Variants in FBXO16 observed in about 807,000 individuals in gnomAD.
The protein encoded by FBXO16 is F-box protein 16, also known as F-box only protein 16.
In FBXO16, 31 loss-of-function variants were observed where a neutral mutation model predicts 41.0. That is an observed-to-expected ratio of 0.76 (90% CI 0.57 to 1.02). The LOEUF (loss-of-function observed/expected upper bound fraction) is 1.02. FBXO16 is among the 50% of genes least tolerant of loss of function. The probability of loss-of-function intolerance (pLI) is 0.00; values close to 1 mark genes in which losing one functional copy is unlikely to be tolerated. For synonymous variants in FBXO16, 133 were observed against 117.8 expected, an observed-to-expected ratio of 1.13 and a Z score of -0.84; for missense variants, 361 against 346.2, an observed-to-expected ratio of 1.04 and a Z score of -0.34.
At position 28,461,936 on chromosome 8, in the gene FBXO16, A is replaced by T. The variant is rs1327623190; in HGVS notation, c.342+1676T>A. Among the ~76,000 whole-genome samples, 2 of 151,556 alleles carry T rather than the reference A, an allele frequency of 1.3e-5. 1 individual carries two copies. Among genetic ancestry groups the T allele is most frequent in the African/African-American group, 4.9e-5 (2 of 41,224 alleles). ...TTGCTCAATTATCCCTACACCATTT[A>T]TTGAATAATACTTTTTTTTTTGAGA... On this transcript the variant is annotated intron_variant, in intron 4 of 8. Coordinates refer to ENST00000380254, the MANE Select transcript of FBXO16 (RefSeq NM_172366.4).
chr8:28,463,945 C>T, intron 3 of FBXO16, 127 bp from the exon 4 acceptor site: 1 of 902,844 alleles, frequency 1.1e-6, no homozygotes, highest in Non-Finnish European at 1.6e-6. Flanking sequence ...TATTTATTTC[C>T]CTAATCAGCA....
chr8:28,486,639 C>T (rs946878327), intron 1 of FBXO16, among the ~76,000 whole-genome samples: 1 of 151,876 alleles, frequency 6.6e-6, no homozygotes, highest in Non-Finnish European at 1.5e-5. Flanking sequence ...TGGGCAACAT[C>T]GAGAGACCTT....
intron 3 of FBXO16, among the ~76,000 whole-genome samples, chr8:28,470,603 A>G (rs1483474381): frequency 6.6e-6 from 1 of 152,192 alleles, no homozygotes; most frequent in East Asian, 1.9e-4. Flanking sequence ...AGGGTATATT[A>G]TATATTATTA....
At chr8:28,438,197 T>C (rs1328591355) in intron 7 of FBXO16, among the ~76,000 whole-genome samples, 2 of 152,042 alleles carry the variant, frequency 1.3e-5, no homozygotes, top group African/African-American at 4.8e-5. Flanking sequence ...ACACCTGTAA[T>C]CCCAGCTACT....
intron 4 of FBXO16, among the ~76,000 whole-genome samples, chr8:28,463,402 A>C (rs1803175742): frequency 6.7e-6 from 1 of 148,742 alleles, no homozygotes; most frequent in Non-Finnish European, 1.5e-5. Flanking sequence ...GTTTGTATGT[A>C]TTTGTGTGTG....
rs145156562 is a variant in FBXO16 at position 28,437,286 on chromosome 8, G to A, written c.844-7883C>T. 3.0e-3 allele frequency among the ~76,000 whole-genome samples: 454 copies of A among 152,276 alleles called. 1 individual carries two copies. The highest frequency in any genetic ancestry group is 0.011 in the African/African-American group (442 of 41,562). On this transcript the variant is annotated intron_variant, in intron 7 of 8. Transcript: ENST00000380254. ...AGGTAGAATCATTTCCATTGGAAATGCCACAGTAATTTATTATGGATAGCC... is the reference window on the plus strand; with the variant it reads ...AGGTAGAATCATTTCCATTGGAAATACCACAGTAATTTATTATGGATAGCC...
At chr8:28,467,097 C>T (rs919493184) in intron 3 of FBXO16, among the ~76,000 whole-genome samples, 7 of 152,042 alleles carry the variant, frequency 4.6e-5, no homozygotes, top group Non-Finnish European at 1.0e-4. Context: ...CACATCTGGC[C>T]TGGAATTCAT....
intron 3 of FBXO16, among the ~76,000 whole-genome samples, chr8:28,472,229 C>T (rs1273727500): frequency 1.3e-5 from 2 of 152,072 alleles, no homozygotes; most frequent in Non-Finnish European, 2.9e-5. Flanking sequence ...GTAGCTGGGA[C>T]TATAGGAAAG....
intron 7 of FBXO16, among the ~76,000 whole-genome samples, chr8:28,435,116 C>A (rs1218879741): frequency 6.6e-6 from 1 of 152,048 alleles, no homozygotes; most frequent in African/African-American, 2.4e-5. Flanking sequence ...TGAGCTCTTG[C>A]CCAGCATCCG....
At chr8:28,431,649 GCTAA>G (rs1179433195) in intron 7 of FBXO16, among the ~76,000 whole-genome samples, 1 of 152,116 alleles carries the variant, frequency 6.6e-6, no homozygotes, top group East Asian at 1.9e-4. Context: ...ATCTTAGCGG[GCTAA>G]CTGAGGACTA....
rs1802573648 is a variant in FBXO16, at chr8:28,429,364, C to A, written c.869+14G>T. The stretch of plus-strand genomic sequence containing the variant: ...AGGCAAATGTCACAGGTTGATATCA[C>A]AACCGAAACTCACAGTGGGAAGGGA... On this transcript the variant is annotated intron_variant, in intron 8 of 8. Transcript: ENST00000380254. 6.2e-7 allele frequency: 1 copy of A among 1,613,772 alleles called. No individual in the cohort carries two copies. Among genetic ancestry groups the A allele is most frequent in the South Asian group, 1.1e-5 (1 of 91,080 alleles).
intron 1 of FBXO16, among the ~76,000 whole-genome samples, chr8:28,486,825 G>A (rs1403061758): frequency 6.6e-6 from 1 of 151,954 alleles, no homozygotes; most frequent in Non-Finnish European, 1.5e-5. Flanking sequence ...GGGCAACAGA[G>A]CAAGACCGTT....
chr8:28,465,401 T>A (rs760590076), intron 3 of FBXO16: 2 of 451,102 alleles, frequency 4.4e-6, no homozygotes, highest in South Asian at 3.1e-5. Context: ...GGCAGGAGAA[T>A]CTCTTGAGCC....
At chr8:28,435,416 T>C (rs1802673470) in intron 7 of FBXO16, among the ~76,000 whole-genome samples, 1 of 152,036 alleles carries the variant, frequency 6.6e-6, no homozygotes, top group Non-Finnish European at 1.5e-5. Context: ...TCAGGTGATC[T>C]GCCCACCTCG....
chr8:28,452,502 C>G, intron 5 of FBXO16, 26 bp from the exon 6 acceptor site: 1 of 1,607,974 alleles, frequency 6.2e-7, no homozygotes, highest in Non-Finnish European at 8.5e-7. Flanking sequence ...TAATTATGTT[C>G]TCAAAACACT....
chr8:28,439,584 C>A (rs1324023005), intron 7 of FBXO16, among the ~76,000 whole-genome samples: 1 of 151,662 alleles, frequency 6.6e-6, no homozygotes, highest in African/African-American at 2.4e-5. Context: ...CAAAAAATAC[C>A]CCCAAAAACC....
At chr8:28,481,066 C>T (rs568052012) in intron 2 of FBXO16, among the ~76,000 whole-genome samples, 6 of 152,092 alleles carry the variant, frequency 3.9e-5, no homozygotes, top group African/African-American at 1.2e-4. Context: ...GGCCCCGAGC[C>T]GGGCCTGGGC....
At chr8:28,454,753 G>GAAAAAAAAAAAAAAAAAAA (rs1563363014) in intron 5 of FBXO16, among the ~76,000 whole-genome samples, 2 of 58,342 alleles carry the variant, frequency 3.4e-5, no homozygotes, top group African/African-American at 2.0e-4. Context: ...AAAAAAAAAG[G>GAAAAAAAAAAAAAAAAAAA]ATCATTAATT....
chr8:28,447,221 T>C lies in FBXO16; in HGVS notation c.793A>G (p.Lys265Glu). 19 of 1,613,938 alleles carry C rather than the reference T, an allele frequency of 1.2e-5. No individual in the cohort carries two copies. Among genetic ancestry groups the C allele is most frequent in the Non-Finnish European group, 1.6e-5 (19 of 1,180,000 alleles). The stretch of plus-strand genomic sequence containing the variant: ...GTTCTGTCCTGCAATTTATTTTTCT[T>C]ATCATGTGACTGTCGGCTGAAGTCT... ...TPDFSRQSHD[K>E]KNKLQDRTRL... Residue 265 changes from lysine to glutamate, a missense_variant, in exon 7 of 9, where the codon AAG becomes GAG. Coordinates refer to ENST00000380254, the MANE Select transcript of FBXO16 (RefSeq NM_172366.4).
Sources: gnomAD v4.1 joint callset for allele counts (sites outside exome capture counted in the v4.1 genomes callset) on GRCh38, gnomAD v4.1.1 for gene constraint, MANE v1.5 for transcripts, NCBI Gene and HGNC (gene_info 2026-07-23, HGNC 2026-07-21) for gene names.